Variants in COQ5 observed in about 807,000 individuals in gnomAD.
COQ5 encodes the protein 2-methoxy-6-polyprenyl-1,4-benzoquinol methylase, mitochondrial.
A neutral mutation model predicts 40.5 loss-of-function variants in COQ5; 27 were observed. The observed-to-expected ratio is 0.67, with a 90% CI of 0.49 to 0.92. The LOEUF is 0.92. Among genes scored for constraint, COQ5 ranks in the 40% least tolerant of loss-of-function variants. The pLI, the probability that COQ5 is intolerant of heterozygous loss-of-function variation, is 0.00. For synonymous variants in COQ5, 141 were observed against 150.0 expected (o/e 0.94, Z 0.44); for missense variants, 409 against 406.4 (o/e 1.01, Z -0.06).
At chr12:120,527,656 G>A (rs371364433) in intron 1 of COQ5, among the ~76,000 whole-genome samples, 2 of 152,112 alleles carry the variant, frequency 1.3e-5, no homozygotes, top group African/African-American at 4.8e-5. Flanking sequence ...TGTGTGAAAT[G>A]TTGATTATAC....
At chr12:120,521,997 CA>C (rs538753485) in intron 2 of COQ5, among the ~76,000 whole-genome samples, 171 of 139,518 alleles carry the variant, frequency 1.2e-3, no homozygotes, top group South Asian at 4.7e-3. Flanking sequence ...ACTCCTATCT[CA>C]AAAAAAAAAA....
intron 4 of COQ5, 84 bp downstream of exon 4, chr12:120,509,933 C>A: frequency 1.8e-6 from 2 of 1,133,350 alleles, no homozygotes; most frequent in East Asian, 2.4e-5. Context: ...AAACAAAACT[C>A]TCCTTCTTTC....
intron 3 of COQ5, among the ~76,000 whole-genome samples, chr12:120,512,020 G>A (rs1035663099): frequency 1.2e-4 from 18 of 152,024 alleles, no homozygotes; most frequent in Non-Finnish European, 2.5e-4. Flanking sequence ...GACCATCCGG[G>A]CTAACACGGT....
rs369310354 is a variant in COQ5, at chr12:120,529,092, C to A, written c.50G>T (p.Trp17Leu). Residue 17 changes from tryptophan to leucine, a missense_variant, in exon 1 of 7, where the codon TGG becomes TTG. Transcript: ENST00000288532. ...CTGGCAGCCCCGCATCGCCCGCGAC[C>A]ACCCACGGCCGCAATAGCTCCATAG... ...CALWSYCGRG[W>L]SRAMRGCQLL... The A allele has an allele frequency of 4.6e-5, 74 of 1,614,018 alleles. No homozygotes were observed. The highest frequency in any genetic ancestry group is 6.3e-5 in the Non-Finnish European group (74 of 1,180,020).
chr12:120,516,509 C>T (rs776204825), intron 3 of COQ5, 58 bp downstream of exon 3: 6 of 1,346,856 alleles, frequency 4.5e-6, no homozygotes, highest in Non-Finnish European at 6.4e-6. Flanking sequence ...TTACATATTC[C>T]ACCTTATTCT....
chr12:120,505,359 G>A (rs985129477), intron 4 of COQ5, among the ~76,000 whole-genome samples: 11 of 151,944 alleles, frequency 7.2e-5, no homozygotes, highest in African/African-American at 2.7e-4. Context: ...CATGTACGTG[G>A]GTTATTCACT....
At chr12:120,513,239 C>T (rs1489903593) in intron 3 of COQ5, among the ~76,000 whole-genome samples, 2 of 149,746 alleles carry the variant, frequency 1.3e-5, no homozygotes, top group Non-Finnish European at 3.0e-5. Context: ...TGCAGTGGCT[C>T]ACACCTGTAA....
At position 120,509,337 on chromosome 12, in the gene COQ5, C is replaced by T. The variant is rs183960921; in HGVS notation, c.681+680G>A. Among the ~76,000 whole-genome samples the T allele has an allele frequency of 6.6e-5, 10 of 152,188 alleles. No homozygotes were observed. In the East Asian group the frequency reaches 1.7e-3, roughly 26 times the overall value. The stretch of plus-strand genomic sequence containing the variant: ...TTCGAGATCAACCTGGGCAACATGG[C>T]AAAACCCCATCTCTACAAAAAATAA... On this transcript the variant is annotated intron_variant, in intron 4 of 6. Coordinates refer to ENST00000288532, the MANE Select transcript of COQ5 (RefSeq NM_032314.4).
rs749442950 is a variant in COQ5, at chr12:120,503,961, G to A, written c.882+9C>T. 1.9e-6 allele frequency: 3 copies of A among 1,605,256 alleles called. No individual in the cohort carries two copies. Among genetic ancestry groups the A allele is most frequent in the Middle Eastern group, 3.3e-4 (2 of 6,044 alleles). ...AGGGCCTTTGTTTAAAGCTATAGAAGTTTCATACCTGAGACGGAAACCTTC... is the reference window on the plus strand; with the variant it reads ...AGGGCCTTTGTTTAAAGCTATAGAAATTTCATACCTGAGACGGAAACCTTC... On this transcript the variant is annotated intron_variant, in intron 6 of 6. Transcript: ENST00000288532.
intron 1 of COQ5, chr12:120,522,952 T>C (rs145577068): frequency 2.3e-5 from 14 of 612,608 alleles, no homozygotes; most frequent in African/African-American, 1.3e-4. Flanking sequence ...GCCTGCATCT[T>C]TTTTAGGCCT....
At chr12:120,504,840 G>A (rs944646160) in intron 5 of COQ5, 55 bp downstream of exon 5, 19 of 1,430,530 alleles carry the variant, frequency 1.3e-5, no homozygotes, top group African/African-American at 5.6e-5. Context: ...AATCCATTTC[G>A]GGGTGGGAAA....
intron 1 of COQ5, 152 bp downstream of exon 1, chr12:120,528,788 G>A (rs1224984885): frequency 6.2e-5 from 46 of 741,462 alleles, no homozygotes; most frequent in Non-Finnish European, 8.8e-5. Context: ...TGGGCAACAA[G>A]AGCGAAATTC....
intron 4 of COQ5, among the ~76,000 whole-genome samples, chr12:120,507,829 G>C (rs1868949012): frequency 6.7e-6 from 1 of 148,688 alleles, no homozygotes; most frequent in Admixed American, 6.7e-5. Flanking sequence ...GGAGGTTTCA[G>C]TGAGCCCAGA....
intron 1 of COQ5, among the ~76,000 whole-genome samples, chr12:120,525,903 C>T (rs527336339): frequency 8.6e-4 from 130 of 150,530 alleles, no homozygotes; most frequent in African/African-American, 2.8e-3. Context: ...CCAGCCTGGG[C>T]GACAGAGCGA....
rs557141718 is a variant in COQ5, at chr12:120,528,822, A to G, written c.202+118T>C. 13 of 972,476 alleles carry G rather than the reference A, an allele frequency of 1.3e-5. No homozygotes were observed. In the African/African-American group the frequency reaches 1.6e-4, roughly 12 times the overall value. The allele number at this position is 972,476 out of a possible 1,614,324, so 60.2% of individuals were successfully genotyped here. A position where few individuals can be genotyped will look rare whatever the true frequency, so the allele number is the denominator to read the frequency against. ...TCTGTCTCCAAAAAAAAAAAAAATC[A>G]TAACTGCACAGACAACAACACTGGA... On this transcript the variant is annotated intron_variant, in intron 1 of 6. Coordinates refer to ENST00000288532, the MANE Select transcript of COQ5 (RefSeq NM_032314.4).
In COQ5 at chr12:120,503,816, T is replaced by C. The variant is rs138832185; in HGVS notation, c.952A>G (p.Ile318Val). ...KVTYESLTSG[I>V]VAIHSGFKL Reference sequence around the variant, plus strand: ...TTGAAGCCAGAATGAATGGCCACAATGCCTGATGTTAGACTTTCGTAAGTC... The same window carrying C: ...TTGAAGCCAGAATGAATGGCCACAACGCCTGATGTTAGACTTTCGTAAGTC... Residue 318 changes from isoleucine (I) to valine (V), a missense_variant, in exon 7 of 7, where the codon ATT becomes GTT. Transcript: ENST00000288532. The C allele has an allele frequency of 6.2e-7, 1 of 1,614,126 alleles. No individual in the cohort carries two copies. The highest frequency in any genetic ancestry group is 8.5e-7 in the Non-Finnish European group (1 of 1,179,950).
intron 1 of COQ5, among the ~76,000 whole-genome samples, chr12:120,528,008 A>G: frequency 7.0e-6 from 1 of 142,278 alleles, no homozygotes; most frequent in Non-Finnish European, 1.5e-5. Flanking sequence ...AAAAAAAAAA[A>G]AAAAAAAAAA....
chr12:120,528,882 G>A (rs1870088460), intron 1 of COQ5, 58 bp downstream of exon 1: 1 of 1,500,566 alleles, frequency 6.7e-7, no homozygotes, highest in Non-Finnish European at 9.3e-7. Flanking sequence ...TAACTGGCCA[G>A]AAGAAACCAG....
chr12:120,507,361 C>T (rs1288225429), intron 4 of COQ5, among the ~76,000 whole-genome samples: 3 of 150,532 alleles, frequency 2.0e-5, no homozygotes, highest in Non-Finnish European at 4.4e-5. Context: ...CTCAACTCAC[C>T]ACAACCTCTG....
Sources: gnomAD v4.1 joint callset for allele counts (sites outside exome capture counted in the v4.1 genomes callset) on GRCh38, gnomAD v4.1.1 for gene constraint, MANE v1.5 for transcripts, NCBI Gene and HGNC (gene_info 2026-07-23, HGNC 2026-07-21) for gene names.